Variants in DHX36 observed in about 807,000 individuals in gnomAD.
DHX36 encodes ATP-dependent DNA/RNA helicase DHX36.
DHX36 carries 50 observed loss-of-function variants against 139.0 expected under a neutral mutation model. The ratio of observed to expected loss-of-function variants is 0.36; its 90% confidence interval spans 0.29 to 0.46. DHX36 has a LOEUF of 0.46. DHX36 is among the 20% of genes least tolerant of loss of function. The probability of loss-of-function intolerance (pLI) is 1.00; values close to 1 mark genes in which losing one functional copy is unlikely to be tolerated. For missense variants in DHX36, 1,024 were observed against 1,211.3 expected (o/e 0.85, Z 2.29); for synonymous variants, 425 against 401.9 (o/e 1.06, Z -0.69).
At chr3:154,313,973 CAT>C (rs1285651703) in intron 3 of DHX36, among the ~76,000 whole-genome samples, 1 of 152,102 alleles carries the variant, frequency 6.6e-6, no homozygotes, top group African/African-American at 2.4e-5. Context: ...TTTATGACAA[CAT>C]ATGGGAAATA....
In DHX36 at chr3:154,273,051, T is replaced by C. The variant is rs1719042920; in HGVS notation, c.*3120A>G. Reference sequence around the variant, plus strand: ...TTCAGTAGTTTAATTTCTTTTGTTTTTTTCCTGAAAGTTTCTGTTTCAGGT... The same window carrying C: ...TTCAGTAGTTTAATTTCTTTTGTTTCTTTCCTGAAAGTTTCTGTTTCAGGT... On this transcript the variant is annotated 3_prime_UTR_variant, in exon 25 of 25. Transcript: ENST00000496811. 1.3e-5 allele frequency: 2 copies of C among 152,242 alleles called. No individual in the cohort carries two copies. Among genetic ancestry groups the C allele is most frequent in the African/African-American group, 4.8e-5 (2 of 41,550 alleles). The allele number at this position is 152,242 out of a possible 1,614,324, so 9.4% of individuals were successfully genotyped here.
chr3:154,292,735 A>ACACT (rs1711874709), intron 14 of DHX36, 41 bp from the exon 15 acceptor site: 1 of 1,441,342 alleles, frequency 6.9e-7, no homozygotes, highest in African/African-American at 1.5e-5. Flanking sequence ...AAACACACAC[A>ACACT]CACACACACA....
In DHX36 at chr3:154,311,813, TATAAAGA is replaced by T. The variant is rs1034318764; in HGVS notation, c.604-146_604-140del. The T allele has an allele frequency of 2.3e-5, 13 of 567,948 alleles. No homozygotes were observed. The African/African-American group carries it at 2.6e-4, about 11-fold the overall frequency. The allele number at this position is 567,948 out of a possible 1,614,324, so 35.2% of individuals were successfully genotyped here. ...TATCTCATGGCTTGTGTAAAAACAT[TATAAAGA>T]ATAATTTACCAATTCCTTTTATGTC... On this transcript the variant is annotated intron_variant, in intron 3 of 24. Coordinates refer to ENST00000496811, the MANE Select transcript of DHX36 (RefSeq NM_020865.3).
intron 1 of DHX36, among the ~76,000 whole-genome samples, chr3:154,317,213 T>C (rs1461968816): frequency 2.0e-5 from 3 of 152,072 alleles, no homozygotes; most frequent in African/African-American, 7.2e-5. Context: ...TGTGTTACTG[T>C]ACATTTTTGT....
chr3:154,293,616 G>GA, intron 14 of DHX36, 132 bp downstream of exon 14: 2 of 619,816 alleles, frequency 3.2e-6, no homozygotes, highest in Non-Finnish European at 5.5e-6. Flanking sequence ...TATGCTCACT[G>GA]CCATAAAAAA....
At chr3:154,285,532 A>C (rs540278887) in intron 17 of DHX36, among the ~76,000 whole-genome samples, 3 of 152,316 alleles carry the variant, frequency 2.0e-5, no homozygotes, top group Non-Finnish European at 4.4e-5. Flanking sequence ...ATTGTAAATC[A>C]AGAGGTTAGG....
chr3:154,289,883 T>A (rs1711714852), intron 15 of DHX36, 57 bp from the exon 16 acceptor site: 1 of 1,078,332 alleles, frequency 9.3e-7, no homozygotes, highest in African/African-American at 1.6e-5. Context: ...AATGACTTTT[T>A]AGAACTGCAG....
At position 154,280,874 on chromosome 3, in the gene DHX36, T is replaced by G. The variant is rs1204030616; in HGVS notation, c.2377-12A>C. The G allele has an allele frequency of 1.9e-6, 3 of 1,598,794 alleles. No homozygotes were observed. The African/African-American group carries it at 4.0e-5, about 21-fold the overall frequency. ...ATGTTATGCAGCATCTAGGGAGCAATGGTAACAAATAGAACTAGAATACCT... is the reference window on the plus strand; with the variant it reads ...ATGTTATGCAGCATCTAGGGAGCAAGGGTAACAAATAGAACTAGAATACCT... On this transcript the variant is annotated splice_polypyrimidine_tract_variant and intron_variant, in intron 20 of 24. Coordinates refer to ENST00000496811, the MANE Select transcript of DHX36 (RefSeq NM_020865.3).
chr3:154,288,191 T>C lies in DHX36; in HGVS notation c.2031+675A>G, dbSNP rs968997819. Among the ~76,000 whole-genome samples the C allele has an allele frequency of 6.6e-5, 8 of 121,816 alleles. No homozygotes were observed. The South Asian group carries it at 2.0e-3, about 30-fold the overall frequency. The allele number at this position is 121,816 out of a possible 152,430, so 79.9% of individuals were successfully genotyped here. A position where few individuals can be genotyped will look rare whatever the true frequency, so the allele number is the denominator to read the frequency against. On this transcript the variant is annotated intron_variant, in intron 17 of 24. Transcript: ENST00000496811. ...AAAAGAGGAAAAAGAAAAAAAACCA[T>C]AGCTAAAGCAACAATACATTTGAAT... is the stretch of plus-strand genomic sequence containing the variant.
At chr3:154,310,777 CAAAAAAAAAA>C (rs1170929249) in intron 4 of DHX36, among the ~76,000 whole-genome samples, 7 of 4,562 alleles carry the variant, frequency 1.5e-3, no homozygotes, top group African/African-American at 3.7e-3. Flanking sequence ...GACTCCCTCT[CAAAAAAAAAA>C]AAAAAAAAAA....
At chr3:154,283,424 A>G (rs1003649723) in intron 19 of DHX36, among the ~76,000 whole-genome samples, 153 bp from the exon 20 acceptor site, 1 of 152,112 alleles carries the variant, frequency 6.6e-6, no homozygotes, top group Non-Finnish European at 1.5e-5. Flanking sequence ...ATAAAACTAA[A>G]AACACATACA....
chr3:154,318,597 C>A (rs1459306254), intron 1 of DHX36, among the ~76,000 whole-genome samples: 1 of 152,134 alleles, frequency 6.6e-6, no homozygotes, highest in Non-Finnish European at 1.5e-5. Flanking sequence ...CAAACTATCA[C>A]AACAAAATTC....
chr3:154,309,248 T>C (rs1476980253), intron 5 of DHX36, among the ~76,000 whole-genome samples: 1 of 151,628 alleles, frequency 6.6e-6, no homozygotes, highest in Admixed American at 6.6e-5. Flanking sequence ...AAACAAGGTT[T>C]CCCACTTTCA....
At chr3:154,290,633 CAAAAAAAAAAAA>C (rs10706343) in intron 15 of DHX36, among the ~76,000 whole-genome samples, 7 of 77,406 alleles carry the variant, frequency 9.0e-5, no homozygotes, top group African/African-American at 3.2e-4. Context: ...GACTTCATCT[CAAAAAAAAAAAA>C]AAAAAAAACT....
intron 24 of DHX36, 96 bp downstream of exon 24, chr3:154,276,651 G>A: frequency 7.6e-7 from 1 of 1,308,084 alleles, no homozygotes. Flanking sequence ...CTGAAATAGA[G>A]CAAGAAATGT....
rs1576850447 is a variant in DHX36, at chr3:154,273,337, G to C, written c.*2834C>G. On this transcript the variant is annotated 3_prime_UTR_variant, in exon 25 of 25. Transcript: ENST00000496811. The stretch of plus-strand genomic sequence containing the variant: ...TAACAATAACTGCTTTAATCTCTGT[G>C]AATGCCTCATCAATTAAATAATTCC... The C allele has an allele frequency of 1.3e-5, 2 of 152,238 alleles. No homozygotes were observed. Among genetic ancestry groups the C allele is most frequent in the Admixed American group, 6.5e-5 (1 of 15,288 alleles). The allele number at this position is 152,238 out of a possible 1,614,324, so 9.4% of individuals were successfully genotyped here. A position where few individuals can be genotyped will look rare whatever the true frequency, so the allele number is the denominator to read the frequency against.
intron 1 of DHX36, among the ~76,000 whole-genome samples, chr3:154,317,879 C>T (rs1366765154): frequency 3.3e-5 from 5 of 151,924 alleles, no homozygotes; most frequent in Admixed American, 2.0e-4. Flanking sequence ...ACCCAGTACA[C>T]ACATATACAA....
intron 1 of DHX36, among the ~76,000 whole-genome samples, chr3:154,317,321 A>ACC (rs1432135056): frequency 6.6e-6 from 1 of 152,098 alleles, no homozygotes; most frequent in African/African-American, 2.4e-5. Flanking sequence ...AATAATGACT[A>ACC]GGTAGATGAA....
intron 1 of DHX36, among the ~76,000 whole-genome samples, chr3:154,321,680 C>T (rs865909007): frequency 2.0e-5 from 3 of 152,158 alleles, no homozygotes; most frequent in African/African-American, 4.8e-5. Flanking sequence ...CATTTTCAGC[C>T]AGGCGCCATG....
Sources: gnomAD v4.1 joint callset for allele counts (sites outside exome capture counted in the v4.1 genomes callset) on GRCh38, gnomAD v4.1.1 for gene constraint, MANE v1.5 for transcripts, NCBI Gene and HGNC (gene_info 2026-07-23, HGNC 2026-07-21) for gene names.